Variants in DCDC2C observed in about 807,000 individuals in gnomAD.
DCDC2C encodes the protein doublecortin domain containing 2C.
DCDC2C carries 44 observed loss-of-function variants against 45.0 expected under a neutral mutation model. The ratio of observed to expected loss-of-function variants is 0.98; its 90% CI spans 0.77 to 1.26. DCDC2C has a LOEUF of 1.26. Ranked by LOEUF, DCDC2C falls within the 50% of genes most tolerant of loss-of-function variation. The pLI is 0.00. For missense variants in DCDC2C, 447 were observed against 468.9 expected (o/e 0.95, Z 0.43); for synonymous variants, 187 against 178.8 (o/e 1.05, Z -0.37).
At chr2:3,714,792 C>T (rs546346981) in intron 2 of DCDC2C, among the ~76,000 whole-genome samples, 4 of 152,322 alleles carry the variant, frequency 2.6e-5, no homozygotes, top group Admixed American at 6.5e-5. Flanking sequence ...GGCTGCAGTA[C>T]TTTGGGCTGG....
At chr2:3,706,115 A>G (rs747712538) in intron 1 of DCDC2C, among the ~76,000 whole-genome samples, 34 of 152,238 alleles carry the variant, frequency 2.2e-4, no homozygotes, top group Non-Finnish European at 7.3e-5. Context: ...TTAGTAAAGT[A>G]AACTAGCTCT....
intron 8 of DCDC2C, among the ~76,000 whole-genome samples, chr2:3,771,814 G>A (rs958256144): frequency 2.0e-5 from 3 of 152,232 alleles, no homozygotes; most frequent in African/African-American, 7.2e-5. Context: ...TGCCTGCTGG[G>A]CAGGCTCTTG....
chr2:3,760,845 TA>T (rs11385914), intron 6 of DCDC2C, among the ~76,000 whole-genome samples: 9 of 149,644 alleles, frequency 6.0e-5, no homozygotes, highest in South Asian at 2.1e-4. Context: ...TAAAGTAAAA[TA>T]AAAAAAAAGC....
chr2:3,730,766 C>T (rs536031364), intron 3 of DCDC2C, among the ~76,000 whole-genome samples: 5 of 152,268 alleles, frequency 3.3e-5, no homozygotes, highest in South Asian at 4.2e-4. Context: ...TTCTGGGTGG[C>T]GTGTGCAGTT....
chr2:3,729,380 G>T (rs1304501391), intron 3 of DCDC2C, among the ~76,000 whole-genome samples: 1 of 152,228 alleles, frequency 6.6e-6, no homozygotes, highest in African/African-American at 2.4e-5. Flanking sequence ...GACACAGCTG[G>T]ACATTAGTGA....
intron 10 of DCDC2C, among the ~76,000 whole-genome samples, chr2:3,829,858 T>TA (rs1315393943): frequency 6.6e-6 from 1 of 152,208 alleles, no homozygotes; most frequent in African/African-American, 2.4e-5. Context: ...GGCTGGTGGA[T>TA]AAAACCTCTG....
At chr2:3,719,245 C>A (rs1287161113) in intron 2 of DCDC2C, among the ~76,000 whole-genome samples, 3 of 152,132 alleles carry the variant, frequency 2.0e-5, no homozygotes, top group Non-Finnish European at 2.9e-5. Context: ...GCCACCATGC[C>A]AGCTAATTTT....
intron 10 of DCDC2C, among the ~76,000 whole-genome samples, chr2:3,826,677 AT>A (rs1202755591): frequency 1.3e-5 from 2 of 152,106 alleles, no homozygotes; most frequent in Non-Finnish European, 2.9e-5. Flanking sequence ...GTGGGTAGGA[AT>A]GGAAATCCCA....
intron 1 of DCDC2C, among the ~76,000 whole-genome samples, chr2:3,706,912 C>G (rs1489194489): frequency 6.6e-6 from 1 of 152,210 alleles, no homozygotes; most frequent in Non-Finnish European, 1.5e-5. Flanking sequence ...GTTTCCTCAT[C>G]CATAAAGCAG....
At chr2:3,729,156 A>T (rs1668786605) in intron 3 of DCDC2C, among the ~76,000 whole-genome samples, 1 of 152,210 alleles carries the variant, frequency 6.6e-6, no homozygotes, top group South Asian at 2.1e-4. Flanking sequence ...TCGTTTATTT[A>T]GAAGTGAGCT....
chr2:3,786,412 G>A (rs1249909985), intron 10 of DCDC2C, among the ~76,000 whole-genome samples: 1 of 94,418 alleles, frequency 1.1e-5, no homozygotes, highest in East Asian at 3.1e-4. Context: ...CGGAGCCTCC[G>A]GTGCGGGTGT....
chr2:3,733,907 A>G (rs114291307), intron 3 of DCDC2C, among the ~76,000 whole-genome samples: 1 of 152,210 alleles, frequency 6.6e-6, no homozygotes, highest in Non-Finnish European at 1.5e-5. Flanking sequence ...TGTGGTCCCA[A>G]GGCCTAGAAA....
intron 4 of DCDC2C, among the ~76,000 whole-genome samples, chr2:3,746,428 A>G (rs561476978): frequency 1.2e-3 from 187 of 152,288 alleles, no homozygotes; most frequent in African/African-American, 4.3e-3. Context: ...GACGTTTAGT[A>G]TGGAGCGGGG....
At chr2:3,714,550 T>C (rs982645891) in intron 2 of DCDC2C, among the ~76,000 whole-genome samples, 34 of 152,060 alleles carry the variant, frequency 2.2e-4, no homozygotes, top group African/African-American at 7.3e-4. Context: ...TATCCTGGAC[T>C]AAACAACAAG....
chr2:3,704,044 T>C lies in DCDC2C; in HGVS notation c.287+6T>C. 8.0e-7 allele frequency: 1 copy of C among 1,254,658 alleles called. No individual in the cohort carries two copies. The highest frequency in any genetic ancestry group is 1.6e-5 in the African/African-American group (1 of 64,440). The allele number at this position is 1,254,658 out of a possible 1,614,324, so 77.7% of individuals were successfully genotyped here. On this transcript the variant is annotated splice_donor_region_variant and intron_variant, in intron 1 of 10. Coordinates refer to ENST00000399143, the MANE Select transcript of DCDC2C (RefSeq NM_001287444.2). ...GAGCGCTTCAAGGAGCTCGAGTAAG[T>C]GCGCCCGCGCCCCCCACGCGCCCTG...
Position 3,703,708 on chromosome 2 carries a change from G to A in DCDC2C, c.-44G>A. Reference sequence around the variant, plus strand: ...CTCTGCAGGCGTCGCTGCCCGCGCTGCCGCAGCCTCTCGGCCCCGGCGAGC... The same window carrying A: ...CTCTGCAGGCGTCGCTGCCCGCGCTACCGCAGCCTCTCGGCCCCGGCGAGC... On this transcript the variant is annotated 5_prime_UTR_variant, in exon 1 of 11. Transcript: ENST00000399143. This position sits in a 1 kb window ranked among gnomAD's most constrained non-coding sequence, Gnocchi z 4.4. 8.2e-7 allele frequency: 1 copy of A among 1,225,456 alleles called. No homozygotes were observed. 75.9% of individuals were successfully genotyped at this position (1,225,456 alleles called of 1,614,324 possible). A position where few individuals can be genotyped will look rare whatever the true frequency, so the allele number is the denominator to read the frequency against.
At chr2:3,743,937 C>T (rs541912739) in intron 4 of DCDC2C, among the ~76,000 whole-genome samples, 19 of 152,074 alleles carry the variant, frequency 1.2e-4, no homozygotes, top group Non-Finnish European at 2.2e-4. Context: ...GGCGTGGTGG[C>T]GGGAACCTGT....
At chr2:3,711,613 T>C (rs6749261) in intron 2 of DCDC2C, among the ~76,000 whole-genome samples, 78,006 of 151,814 alleles carry the variant, frequency 0.51, 21,000 homozygotes, top group African/African-American at 0.68. Context: ...TCTAGGAGGA[T>C]GTGATTTTTA....
At chr2:3,769,209 C>T in intron 7 of DCDC2C, 102 bp from the exon 8 acceptor site, 1 of 1,143,262 alleles carries the variant, frequency 8.7e-7, no homozygotes, top group Non-Finnish European at 1.3e-6. Flanking sequence ...CCCGAAGCTC[C>T]AGGATGCCCG....
Sources: allele counts gnomAD v4.1 joint callset (sites outside exome capture counted in the v4.1 genomes callset), GRCh38; gene constraint gnomAD v4.1.1; non-coding constraint Gnocchi (gnomAD v3.1); transcripts MANE v1.5; gene names NCBI Gene and HGNC (gene_info 2026-07-23, HGNC 2026-07-21).